The following ATG4A variants were observed in gnomAD, a reference collection of about 807,000 sequenced individuals.
The protein encoded by ATG4A is cysteine protease ATG4A.
In ATG4A, 22 loss-of-function variants were observed where a neutral mutation model predicts 38.4. That is an observed-to-expected ratio of 0.57 (90% CI 0.41 to 0.82). The LOEUF is 0.82. Among genes scored for constraint, ATG4A ranks in the 40% least tolerant of loss-of-function variants. The pLI, the probability that ATG4A is intolerant of heterozygous loss-of-function variation, is 0.00. For missense variants in ATG4A, 220 were observed against 290.0 expected (o/e 0.76, Z 1.75); for synonymous variants, 86 against 100.7 (o/e 0.85, Z 0.88).
intron 12 of ATG4A, 137 bp from the exon 13 acceptor site, chrX:108,153,505 G>A: frequency 2.1e-6 from 1 of 484,256 alleles, no homozygotes; most frequent in South Asian, 3.7e-5. Context: ...AGTTCTAATT[G>A]TAAGTCTCCT....
intron 9 of ATG4A, among the ~76,000 whole-genome samples, chrX:108,141,071 C>CATAT (rs139918190): frequency 0.022 from 755 of 34,948 alleles, 17 homozygotes; most frequent in Middle Eastern, 0.095. Context: ...TATATATATA[C>CATAT]ATATATATAT....
upstream of ATG4A, chrX:108,088,898 A>G: frequency 1.0e-6 from 1 of 984,891 alleles, no homozygotes; most frequent in Non-Finnish European, 1.4e-6. Flanking sequence ...AAGGCAAAAA[A>G]GCAAGAAAAA....
rs764551602 is a variant in ATG4A, at chrX:108,092,309, A to G, written c.10+473A>G. Among the ~76,000 whole-genome samples the G allele has an allele frequency of 3.6e-5, 4 of 112,115 alleles. No homozygotes were observed. In the East Asian group the frequency reaches 1.1e-3, roughly 31 times the overall value. On this transcript the variant is annotated intron_variant, in intron 1 of 12. Transcript: ENST00000372232. ...GCTTGATGAGGGTCATCTTAAGGATACCGGGCTGTGGTGTTGGCATTTTAA... is the reference window on the plus strand; with the variant it reads ...GCTTGATGAGGGTCATCTTAAGGATGCCGGGCTGTGGTGTTGGCATTTTAA...
chrX:108,107,729 C>A (rs2032223979), intron 1 of ATG4A, among the ~76,000 whole-genome samples: 1 of 111,507 alleles, frequency 9.0e-6, no homozygotes, highest in South Asian at 3.8e-4. Context: ...GTTCCTCACT[C>A]ACCATCCATT....
chrX:108,092,896 G>A (rs1270180642), intron 1 of ATG4A, among the ~76,000 whole-genome samples: 1 of 111,766 alleles, frequency 8.9e-6, no homozygotes, highest in Non-Finnish European at 1.9e-5. Context: ...CTTTGAAAAT[G>A]TCATTTTACA....
intron 10 of ATG4A, among the ~76,000 whole-genome samples, chrX:108,151,120 C>T: frequency 8.9e-6 from 1 of 111,874 alleles, no homozygotes; most frequent in South Asian, 3.8e-4. Context: ...GAGCAAGATG[C>T]CCTGGGTGCA....
At chrX:108,108,484 A>G (rs1281336954) in intron 1 of ATG4A, among the ~76,000 whole-genome samples, 1 of 111,112 alleles carries the variant, frequency 9.0e-6, no homozygotes, top group Non-Finnish European at 1.9e-5. Context: ...ACTTAATGAA[A>G]ATATGGATAT....
At chrX:108,115,120 TG>T (rs2032469474) in intron 1 of ATG4A, among the ~76,000 whole-genome samples, 4 of 87,889 alleles carry the variant, frequency 4.6e-5, no homozygotes, top group African/African-American at 2.2e-4. Context: ...CATGTATGCG[TG>T]TGTGTGTGTG....
chrX:108,132,434 A>G (rs1351713053), intron 4 of ATG4A, among the ~76,000 whole-genome samples: 1 of 111,842 alleles, frequency 8.9e-6, no homozygotes, highest in Non-Finnish European at 1.9e-5. Context: ...CCACTGTGCA[A>G]ACTCACAGAT....
chrX:108,113,307 A>G (rs1401227674), intron 1 of ATG4A, among the ~76,000 whole-genome samples: 1 of 111,930 alleles, frequency 8.9e-6, no homozygotes, highest in Non-Finnish European at 1.9e-5. Context: ...GAAGCATTTT[A>G]GGCAACTCTG....
chrX:108,094,351 G>A (rs1472571004), intron 1 of ATG4A, among the ~76,000 whole-genome samples: 1 of 110,699 alleles, frequency 9.0e-6, no homozygotes, highest in East Asian at 2.8e-4. Context: ...ACATTGCTAT[G>A]CTATCTATGT....
intron 6 of ATG4A, among the ~76,000 whole-genome samples, chrX:108,135,121 G>T (rs905557876): frequency 1.8e-5 from 2 of 112,063 alleles, no homozygotes; most frequent in African/African-American, 6.5e-5. Flanking sequence ...TACACCTGCA[G>T]ACCACCTTAC....
intron 1 of ATG4A, among the ~76,000 whole-genome samples, chrX:108,097,401 A>G (rs1338936302): frequency 8.9e-6 from 1 of 112,445 alleles, no homozygotes; most frequent in South Asian, 3.7e-4. Flanking sequence ...TTAATGCTCT[A>G]GAGCAGTGCT....
chrX:108,131,748 G>A (rs1213955458), intron 4 of ATG4A, among the ~76,000 whole-genome samples: 1 of 112,126 alleles, frequency 8.9e-6, no homozygotes, highest in Non-Finnish European at 1.9e-5. Context: ...GCCTGGTGAA[G>A]GATGTAAGTG....
intron 2 of ATG4A, chrX:108,127,105 G>A (rs1276538329): frequency 7.5e-6 from 1 of 133,866 alleles, no homozygotes; most frequent in Non-Finnish European, 1.5e-5. Flanking sequence ...GTAAGTCACT[G>A]TCTCTTTCTG....
At chrX:108,141,071 C>CATATATATATATATATATATATATAT (rs139918190) in intron 9 of ATG4A, among the ~76,000 whole-genome samples, 1 of 35,061 alleles carries the variant, frequency 2.9e-5, no homozygotes, top group Non-Finnish European at 4.7e-5. Context: ...TATATATATA[C>CATATATATATATATATATATATATAT]ATATATATAT....
intron 3 of ATG4A, among the ~76,000 whole-genome samples, chrX:108,130,327 A>G (rs1005309646): frequency 8.9e-6 from 1 of 112,059 alleles, no homozygotes; most frequent in African/African-American, 3.2e-5. Flanking sequence ...AAACAATGAA[A>G]ACAAAATATC....
At position 108,135,786 on chromosome X, in the gene ATG4A, ATT is replaced by A. The variant is rs11346129; in HGVS notation, c.468-1290_468-1289del. 3.0e-3 allele frequency among the ~76,000 whole-genome samples: 299 copies of A among 98,216 alleles called. 2 individuals carry two copies. The highest frequency in any genetic ancestry group is 0.022 in the East Asian group (71 of 3,168). 85.3% of individuals were successfully genotyped at this position (98,216 alleles called of 115,157 possible). A position where few individuals can be genotyped will look rare whatever the true frequency, so the allele number is the denominator to read the frequency against. On this transcript the variant is annotated intron_variant, in intron 6 of 12. Coordinates refer to ENST00000372232, the MANE Select transcript of ATG4A (RefSeq NM_052936.5). ...TACCAACAACAAAGTGGAAACCTAG[ATT>A]TTTTTTTTTTTTTTAGGACAGAGTC...
Position 108,150,156 on chromosome X carries a change from C to A in ATG4A, c.819C>A (p.Asp273Glu). The change falls in exon 10 of 13, where the codon GAC (aspartate) becomes GAA (glutamate). Residue 273 changes from aspartate to glutamate, a missense_variant. Asp to Glu is a conservative substitution (Grantham distance 45). Coordinates refer to ENST00000372232, the MANE Select transcript of ATG4A (RefSeq NM_052936.5). ...NAYYFIGFLG[D>E]ELIFLDPHTT... is the part of the protein sequence containing the mutation. ...AGCATATCTCCTTCAAAACAGGTGA[C>A]GAGCTCATCTTCTTGGACCCTCATA... is the stretch of plus-strand genomic sequence containing the variant. 1 of 1,211,118 alleles carries A rather than the reference C, an allele frequency of 8.3e-7. No individual in the cohort carries two copies. Among genetic ancestry groups the A allele is most frequent in the Admixed American group, 2.2e-5 (1 of 46,018 alleles).
Sources: gnomAD v4.1 joint callset for allele counts (sites outside exome capture counted in the v4.1 genomes callset) on GRCh38, gnomAD v4.1.1 for gene constraint, MANE v1.5 for transcripts, NCBI Gene and HGNC (gene_info 2026-07-23, HGNC 2026-07-21) for gene names.